VPS37B: variants seen among roughly 807,000 people sequenced by gnomAD.
The protein encoded by VPS37B is VPS37B subunit of ESCRT-I, also known as vacuolar protein sorting-associated protein 37B.
VPS37B carries 11 observed loss-of-function variants against 21.2 expected under a neutral mutation model. That is an observed-to-expected ratio of 0.52 (90% confidence interval 0.33 to 0.86). The LOEUF (loss-of-function observed/expected upper bound fraction) is 0.86. Ranked by LOEUF, VPS37B falls within the 40% of genes least tolerant of loss-of-function variation. The pLI, the probability that VPS37B is intolerant of heterozygous loss-of-function variation, is 0.03. For missense variants in VPS37B, 389 were observed against 374.8 expected (o/e 1.04, Z -0.31); for synonymous variants, 175 against 159.6 (o/e 1.10, Z -0.73).
intron 1 of VPS37B, chr12:122,875,785 G>C (rs2034138216): frequency 6.7e-6 from 1 of 148,760 alleles, no homozygotes; most frequent in Non-Finnish European, 1.5e-5. Context: ...CAATGTCTGT[G>C]ACCAAATCTG....
intron 1 of VPS37B, among the ~76,000 whole-genome samples, chr12:122,895,435 C>T (rs1436780413): frequency 6.9e-6 from 1 of 145,682 alleles, no homozygotes; most frequent in Non-Finnish European, 1.5e-5. Flanking sequence ...AGCTCTTGGT[C>T]CCCCTCAGTC....
intron 2 of VPS37B, chr12:122,870,653 C>T: frequency 2.6e-6 from 1 of 389,506 alleles, no homozygotes; most frequent in Non-Finnish European, 4.6e-6. Context: ...GGAGGATCAC[C>T]TGAGCCCAGG....
At position 122,866,820 on chromosome 12, in the gene VPS37B, G is replaced by A. The variant is rs1323539201; in HGVS notation, c.*296C>T. The A allele has an allele frequency of 1.1e-5, 4 of 352,066 alleles. No homozygotes were observed. The Admixed American group carries it at 1.8e-4, about 15-fold the overall frequency. The allele number at this position is 352,066 out of a possible 1,614,324, so 21.8% of individuals were successfully genotyped here. On this transcript the variant is annotated 3_prime_UTR_variant, in exon 4 of 4. Transcript: ENST00000267202. ...GATTCTAAATGGGACTGGGGGAGAG[G>A]CCTATTTCTTCCCAAACATGAGTTC...
chr12:122,868,443 G>T lies in VPS37B; in HGVS notation c.366+37C>A, dbSNP rs543224828. ...GCAGCGGGCCCACGGACTGCCCAAA[G>T]CGCCCCAAGGATTCCACCAAGGCTG... On this transcript the variant is annotated intron_variant, in intron 3 of 3. Coordinates refer to ENST00000267202, the MANE Select transcript of VPS37B (RefSeq NM_024667.3). This position sits in a 1 kb window ranked among gnomAD's most constrained non-coding sequence, Gnocchi z 5.5. 2.1e-4 allele frequency: 334 copies of T among 1,598,876 alleles called. 4 individuals are homozygous for T. The South Asian group carries it at 3.1e-3, about 15-fold the overall frequency.
chr12:122,871,253 C>T (rs2034027627), intron 1 of VPS37B, 192 bp from the exon 2 acceptor site: 15 of 1,353,470 alleles, frequency 1.1e-5, no homozygotes, highest in South Asian at 3.7e-5. Context: ...AGCTGCTGCC[C>T]GTCGTAAAGA....
At position 122,866,960 on chromosome 12, in the gene VPS37B, A is replaced by C. The variant is rs145054642; in HGVS notation, c.*156T>G. On this transcript the variant is annotated 3_prime_UTR_variant, in exon 4 of 4. Coordinates refer to ENST00000267202, the MANE Select transcript of VPS37B (RefSeq NM_024667.3). Reference sequence around the variant, plus strand: ...CTTGATGCCCAAAGCCTGGGCTCCTACTACTCACCACTGACCTACAGTTCT... The same window carrying C: ...CTTGATGCCCAAAGCCTGGGCTCCTCCTACTCACCACTGACCTACAGTTCT... 1.1e-6 allele frequency: 1 copy of C among 932,522 alleles called. No homozygotes were observed. The highest frequency in any genetic ancestry group is 1.5e-6 in the Non-Finnish European group (1 of 677,094). The allele number at this position is 932,522 out of a possible 1,614,324, so 57.8% of individuals were successfully genotyped here. A position where few individuals can be genotyped will look rare whatever the true frequency, so the allele number is the denominator to read the frequency against.
chr12:122,893,124 C>T (rs1345872732), intron 1 of VPS37B, among the ~76,000 whole-genome samples: 1 of 151,270 alleles, frequency 6.6e-6, no homozygotes, highest in South Asian at 2.1e-4. Flanking sequence ...ATTTACTCAA[C>T]ATTCTTGAAA....
rs2034019980 is a variant in VPS37B, at chr12:122,871,009, A to G, written c.164T>C (p.Leu55Pro). ...KEMTLASNRSLAEGNLLYQPQ... is the reference protein window; with the variant it reads ...KEMTLASNRSPAEGNLLYQPQ... ...CTGGTACAAAAGGTTTCCTTCTGCCAGGCTCCGGTTGCTGGCAAGTGTCAT... is the reference window on the plus strand; with the variant it reads ...CTGGTACAAAAGGTTTCCTTCTGCCGGGCTCCGGTTGCTGGCAAGTGTCAT... The change falls in exon 2 of 4, where the codon CTG (leucine) becomes CCG (proline). Residue 55 changes from leucine (L) to proline (P), a missense_variant. Physicochemically the swap from Leu to Pro is moderately conservative, Grantham distance 98 (BLOSUM62 -3). Coordinates refer to ENST00000267202, the MANE Select transcript of VPS37B (RefSeq NM_024667.3). The G allele has an allele frequency of 1.2e-6, 2 of 1,614,106 alleles. No individual in the cohort carries two copies. The highest frequency in any genetic ancestry group is 3.3e-5 in the Admixed American group (2 of 60,008).
At chr12:122,870,810 C>T in intron 2 of VPS37B, 80 bp downstream of exon 2, 1 of 1,409,584 alleles carries the variant, frequency 7.1e-7, no homozygotes, top group Non-Finnish European at 9.5e-7. Flanking sequence ...CGTAATATTT[C>T]TTTCCTGGTA....
chr12:122,871,928 C>T (rs960859061), intron 1 of VPS37B: 5 of 985,488 alleles, frequency 5.1e-6, no homozygotes, highest in Non-Finnish European at 6.0e-6. Flanking sequence ...CACAGCCCAG[C>T]CGCCGCCACC....
rs1437863097 is a variant in VPS37B at position 122,865,443 on chromosome 12, A to G, written c.*1673T>C. ...GGCCAGGGGCCGCTTTGCAACTTCA[A>G]TGCCAAGCTCACGTCTGGCTGCGAC... On this transcript the variant is annotated 3_prime_UTR_variant, in exon 4 of 4. Coordinates refer to ENST00000267202, the MANE Select transcript of VPS37B (RefSeq NM_024667.3). 6.6e-6 allele frequency: 1 copy of G among 152,264 alleles called. No homozygotes were observed. The highest frequency in any genetic ancestry group is 2.4e-5 in the African/African-American group (1 of 41,468). 9.4% of individuals were successfully genotyped at this position (152,264 alleles called of 1,614,324 possible).
chr12:122,890,816 T>C (rs2034401441), intron 1 of VPS37B, among the ~76,000 whole-genome samples: 1 of 152,198 alleles, frequency 6.6e-6, no homozygotes, highest in Admixed American at 6.5e-5. Context: ...TATTCCCTCT[T>C]GTATTGTAGA....
intron 1 of VPS37B, among the ~76,000 whole-genome samples, chr12:122,891,394 C>T (rs1221724600): frequency 6.6e-6 from 1 of 152,222 alleles, no homozygotes; most frequent in Non-Finnish European, 1.5e-5. Context: ...GCATATTATC[C>T]TTCCTTTAAC....
chr12:122,870,684 T>TG, intron 2 of VPS37B: 1 of 488,036 alleles, frequency 2.0e-6, no homozygotes, highest in Non-Finnish European at 3.5e-6. Flanking sequence ...GAGCCATGGT[T>TG]GCGCCACTGC....
intron 1 of VPS37B, 57 bp downstream of exon 1, chr12:122,895,895 A>C: frequency 6.5e-7 from 1 of 1,531,448 alleles, no homozygotes; most frequent in Admixed American, 1.7e-5. Flanking sequence ...CCACCGTTCG[A>C]GGAGCGAACC....
chr12:122,871,116 C>G, intron 1 of VPS37B, 55 bp from the exon 2 acceptor site: 1 of 1,593,192 alleles, frequency 6.3e-7, no homozygotes. Flanking sequence ...TCCTAAACCC[C>G]TGAGGTCCCC....
At chr12:122,887,071 AC>A (rs1037935966) in intron 1 of VPS37B, 2 of 152,216 alleles carry the variant, frequency 1.3e-5, no homozygotes, top group Admixed American at 1.3e-4. Flanking sequence ...CAGATAAACC[AC>A]ATGACTAAGT....
chr12:122,867,126 A>G lies in VPS37B; in HGVS notation c.848T>C (p.Ile283Thr). The change falls in exon 4 of 4, where the codon ATC (isoleucine) becomes ACC (threonine). Residue 283 changes from isoleucine (I) to threonine (T), a missense_variant. Transcript: ENST00000267202. This position sits in a 1 kb window ranked among gnomAD's most constrained non-coding sequence, Gnocchi z 5.5. ...GGACCGCGCCGGCGCTCACTGGAGG[A>G]TGAAACCCGGCTGGTGTGGAGGGAG... ...PRLPPHQPGF[I>T]LQ is the part of the protein sequence containing the mutation. The G allele has an allele frequency of 6.5e-7, 1 of 1,529,612 alleles. No individual in the cohort carries two copies. The highest frequency in any genetic ancestry group is 8.7e-7 in the Non-Finnish European group (1 of 1,144,868). The allele number at this position is 1,529,612 out of a possible 1,614,324, so 94.8% of individuals were successfully genotyped here.
chr12:122,883,010 G>A (rs1276699283), intron 1 of VPS37B: 2 of 152,192 alleles, frequency 1.3e-5, no homozygotes, highest in Non-Finnish European at 2.9e-5. Flanking sequence ...CAGAAATATA[G>A]TTAAAGAATC....
Sources: gnomAD v4.1 joint callset for allele counts (sites outside exome capture counted in the v4.1 genomes callset) on GRCh38, gnomAD v4.1.1 for gene constraint, Gnocchi (gnomAD v3.1) non-coding constraint, MANE v1.5 for transcripts, NCBI Gene and HGNC (gene_info 2026-07-23, HGNC 2026-07-21) for gene names.